The following SRSF11 variants were observed in gnomAD, a reference collection of about 807,000 sequenced individuals.
SRSF11 encodes the protein serine and arginine rich splicing factor 11, also known as serine/arginine-rich splicing factor 11.
A neutral mutation model predicts 56.0 loss-of-function variants in SRSF11; 9 were observed. The observed-to-expected ratio is 0.16, with a 90% CI of 0.10 to 0.28. The LOEUF (loss-of-function observed/expected upper bound fraction) is 0.28, where lower values mean the gene tolerates loss of function less well. Ranked by LOEUF, SRSF11 falls within the 10% of genes least tolerant of loss-of-function variation. SRSF11 has a pLI of 1.00. For missense variants in SRSF11, 421 were observed against 600.7 expected (o/e 0.70, Z 3.13); for synonymous variants, 222 against 215.3 (o/e 1.03, Z -0.27).
chr1:70,239,527 T>C lies in SRSF11; in HGVS notation c.800+7T>C, dbSNP rs1158575750. On this transcript the variant is annotated splice_region_variant and intron_variant, in intron 7 of 11. Coordinates refer to ENST00000370949, the MANE Select transcript of SRSF11 (RefSeq NM_001350605.2). ...CCTCATCTTCTAGACACAGGTTAGA[T>C]TGCTTTTTAGTCAATTATACCTTAG... The C allele has an allele frequency of 1.3e-6, 2 of 1,584,938 alleles. No individual in the cohort carries two copies. Among genetic ancestry groups the C allele is most frequent in the Admixed American group, 3.8e-5 (2 of 52,240 alleles).
intron 7 of SRSF11, among the ~76,000 whole-genome samples, chr1:70,242,085 C>T (rs1675555515): frequency 6.6e-6 from 1 of 151,270 alleles, no homozygotes; most frequent in African/African-American, 2.4e-5. Flanking sequence ...AGGAGAATCG[C>T]TTGAACCCCG....
chr1:70,237,925 A>T (rs1268329353), intron 6 of SRSF11, among the ~76,000 whole-genome samples: 1 of 152,154 alleles, frequency 6.6e-6, no homozygotes, highest in African/African-American at 2.4e-5. Context: ...TTTTTCATTG[A>T]TCAAGAGAAC....
In SRSF11 at chr1:70,244,936, A is replaced by C. The variant is rs1249789192; in HGVS notation, c.932+121A>C. ...AGAAATAGGGCTAGACAGGGGAAGAAACTGTCAATATTTGAGTTTGAGGAG... is the reference window on the plus strand; with the variant it reads ...AGAAATAGGGCTAGACAGGGGAAGACACTGTCAATATTTGAGTTTGAGGAG... On this transcript the variant is annotated intron_variant, in intron 8 of 11. Coordinates refer to ENST00000370949, the MANE Select transcript of SRSF11 (RefSeq NM_001350605.2). 10 of 895,642 alleles carry C rather than the reference A, an allele frequency of 1.1e-5. No homozygotes were observed. The East Asian group carries it at 2.8e-4, about 25-fold the overall frequency. 55.5% of individuals were successfully genotyped at this position (895,642 alleles called of 1,614,324 possible).
intron 9 of SRSF11, among the ~76,000 whole-genome samples, chr1:70,248,007 A>G (rs1677142868): frequency 6.6e-6 from 1 of 152,146 alleles, no homozygotes; most frequent in East Asian, 1.9e-4. Context: ...AAGACAGATG[A>G]TAGCTGAGCC....
intron 3 of SRSF11, among the ~76,000 whole-genome samples, chr1:70,233,008 T>A (rs970232629): frequency 3.3e-5 from 5 of 152,234 alleles, no homozygotes; most frequent in African/African-American, 1.2e-4. Context: ...TGGAAATTTA[T>A]AAAAGCATTC....
intron 3 of SRSF11, among the ~76,000 whole-genome samples, chr1:70,233,310 T>A (rs1374942492): frequency 1.3e-5 from 2 of 152,190 alleles, no homozygotes; most frequent in Non-Finnish European, 2.9e-5. Context: ...AATAGCACAG[T>A]CTCGGCTCAC....
intron 9 of SRSF11, chr1:70,249,043 G>A (rs945127502): frequency 6.6e-6 from 1 of 152,056 alleles, no homozygotes; most frequent in African/African-American, 2.4e-5. Flanking sequence ...GATAACTTTT[G>A]AGAATCAGGA....
At chr1:70,209,369 T>G (rs1470168482) in intron 1 of SRSF11, among the ~76,000 whole-genome samples, 2 of 152,214 alleles carry the variant, frequency 1.3e-5, no homozygotes, top group Non-Finnish European at 2.9e-5. Flanking sequence ...TTGCAGACAT[T>G]CTAGGAAGTT....
intron 1 of SRSF11, among the ~76,000 whole-genome samples, chr1:70,210,179 CAG>C (rs1239928506): frequency 1.3e-5 from 2 of 151,036 alleles, no homozygotes; most frequent in African/African-American, 2.4e-5. Flanking sequence ...TTTTCCAAGA[CAG>C]AGTTTCCCTT....
chr1:70,206,299 T>G lies in SRSF11; in HGVS notation c.-26+519T>G, dbSNP rs1571521533. Among the ~76,000 whole-genome samples the G allele has an allele frequency of 2.0e-5, 3 of 152,350 alleles. No homozygotes were observed. In the East Asian group the frequency reaches 5.8e-4, roughly 29 times the overall value. On this transcript the variant is annotated intron_variant, in intron 1 of 12. Transcript: ENST00000370950. ...GTTCAAATCTCAGCTGCTTCTTTAC[T>G]TTAGAAACTGTTAACTTTAGGCAGT...
chr1:70,244,672 T>G lies in SRSF11; in HGVS notation c.801-12T>G, dbSNP rs1290462237. The G allele has an allele frequency of 1.2e-6, 2 of 1,611,398 alleles. No homozygotes were observed. Among genetic ancestry groups the G allele is most frequent in the Non-Finnish European group, 1.7e-6 (2 of 1,178,218 alleles). ...TTTATACACATGTATTGGCTTCCTTTTACACTATTAGGCGGTCAAGAAGCA... is the reference window on the plus strand; with the variant it reads ...TTTATACACATGTATTGGCTTCCTTGTACACTATTAGGCGGTCAAGAAGCA... On this transcript the variant is annotated splice_polypyrimidine_tract_variant and intron_variant, in intron 7 of 11. Transcript: ENST00000370949.
Position 70,243,816 on chromosome 1 carries a change from A to C in SRSF11, c.801-868A>C, listed in dbSNP as rs115560535. 8.8e-3 allele frequency among the ~76,000 whole-genome samples: 1,335 copies of C among 152,272 alleles called. 22 individuals are homozygous for C. Among genetic ancestry groups the C allele is most frequent in the African/African-American group, 0.03 (1,259 of 41,546 alleles). On this transcript the variant is annotated intron_variant, in intron 7 of 11. Coordinates refer to ENST00000370949, the MANE Select transcript of SRSF11 (RefSeq NM_001350605.2). Reference sequence around the variant, plus strand: ...CTATAATCCCAACTCTGGGAGGCCAAGGTGGGCTGGTGGCTTGAGCCCAGG... The same window carrying C: ...CTATAATCCCAACTCTGGGAGGCCACGGTGGGCTGGTGGCTTGAGCCCAGG...
chr1:70,250,750 A>G lies in SRSF11; in HGVS notation c.1400A>G (p.Glu467Gly). The G allele has an allele frequency of 6.2e-7, 1 of 1,613,986 alleles. No homozygotes were observed. Among genetic ancestry groups the G allele is most frequent in the Non-Finnish European group, 8.5e-7 (1 of 1,179,954 alleles). The change falls in exon 12 of 12, where the codon GAA becomes GGA. Residue 467 changes from glutamate to glycine, a missense_variant. Glu to Gly is a moderately conservative substitution (Grantham distance 98). This residue lies in a region of SRSF11 where 253 missense variants were observed against 305.8 expected (regional missense o/e 0.83). Coordinates refer to ENST00000370949, the MANE Select transcript of SRSF11 (RefSeq NM_001350605.2). ...VEKGTGDSLR[E>G]SKVNGDDHHE... ...AAGGGAACTGGTGATTCACTAAGAG[A>G]ATCCAAAGTGAATGGGGATGATCAT...
rs56098296 is a variant in SRSF11, at chr1:70,243,336, CAAAAAAAAAAAAAAAAAAAAAAA to C, written c.801-1333_801-1311del. 1.4e-3 allele frequency among the ~76,000 whole-genome samples: 45 copies of C among 32,594 alleles called. 2 individuals are homozygous for C. The highest frequency in any genetic ancestry group is 4.1e-3 in the South Asian group (2 of 482). The allele number at this position is 32,594 out of a possible 152,430, so 21.4% of individuals were successfully genotyped here. ...TTTTTAATCCACATTTGGTTGGTGG[CAAAAAAAAAAAAAAAAAAAAAAA>C]AAAAAAAAAAAAAACACAGTGTGTA... On this transcript the variant is annotated intron_variant, in intron 7 of 11. Transcript: ENST00000370949.
At chr1:70,237,057 G>A (rs775244587) in intron 5 of SRSF11, among the ~76,000 whole-genome samples, 8 of 151,958 alleles carry the variant, frequency 5.3e-5, no homozygotes, top group Middle Eastern at 3.2e-3. Flanking sequence ...AAGGGGCTGG[G>A]ATTACAGGCG....
At chr1:70,222,036 A>G (rs1670757287) in intron 1 of SRSF11, among the ~76,000 whole-genome samples, 197 bp downstream of exon 1, 1 of 152,112 alleles carries the variant, frequency 6.6e-6, no homozygotes, top group Admixed American at 6.6e-5. Context: ...GCTTTTTGGA[A>G]TTAGGAAACA....
intron 5 of SRSF11, among the ~76,000 whole-genome samples, chr1:70,236,740 C>T (rs1674140561): frequency 6.6e-6 from 1 of 151,648 alleles, no homozygotes; most frequent in Non-Finnish European, 1.5e-5. Context: ...AGTTCCTCCC[C>T]ACCTACAAAG....
At chr1:70,228,579 A>G (rs369909545) in intron 2 of SRSF11, 24 bp downstream of exon 2, 3 of 1,605,610 alleles carry the variant, frequency 1.9e-6, no homozygotes, top group African/African-American at 2.7e-5. Flanking sequence ...TTAACTACCT[A>G]TGTGGGCATC....
chr1:70,238,410 A>G (rs966277794), intron 6 of SRSF11, among the ~76,000 whole-genome samples: 1 of 152,274 alleles, frequency 6.6e-6, no homozygotes, highest in Non-Finnish European at 1.5e-5. Flanking sequence ...TTATAATGAC[A>G]TTCACAATAA....
Sources: gnomAD v4.1 joint callset for allele counts (sites outside exome capture counted in the v4.1 genomes callset) on GRCh38, gnomAD v4.1.1 for gene constraint, gnomAD v4.1.1 regional missense constraint, MANE v1.5 for transcripts, NCBI Gene and HGNC (gene_info 2026-07-23, HGNC 2026-07-21) for gene names.